Variants in CYP2C19 observed in about 807,000 individuals in gnomAD.
CYP2C19 encodes the protein cytochrome P450 family 2 subfamily C member 19.
Under a neutral mutation model 40.9 loss-of-function variants are expected in CYP2C19, and 59 were observed. The observed-to-expected ratio is 1.44, with a 90% CI of 1.17 to 1.79. The LOEUF is 1.79. CYP2C19 is among the 40% of genes most tolerant of loss of function. CYP2C19 has a pLI of 0.00. For missense variants in CYP2C19, 754 were observed against 596.9 expected, an observed-to-expected ratio of 1.26 and a Z score of -2.74; for synonymous variants, 253 against 208.7, an observed-to-expected ratio of 1.21 and a Z score of -1.83.
At chr10:94,789,958 G>T (rs1848585499) in intron 5 of CYP2C19, among the ~76,000 whole-genome samples, 1 of 152,074 alleles carries the variant, frequency 6.6e-6, no homozygotes, top group Non-Finnish European at 1.5e-5. Flanking sequence ...TCATGATATT[G>T]TTTCTTCCTA....
At chr10:94,775,033 C>T (rs1732188147) in intron 1 of CYP2C19, 25 bp from the exon 2 acceptor site, 3 of 1,611,950 alleles carry the variant, frequency 1.9e-6, no homozygotes, top group Non-Finnish European at 2.5e-6. Flanking sequence ...ACTTCATTTG[C>T]TGTTAACTGT....
At chr10:94,769,069 G>A (rs1291649202) in intron 1 of CYP2C19, among the ~76,000 whole-genome samples, 2 of 152,116 alleles carry the variant, frequency 1.3e-5, no homozygotes, top group Admixed American at 1.3e-4. Flanking sequence ...GCCAGTATAG[G>A]CTGTATTCAT....
intron 5 of CYP2C19, among the ~76,000 whole-genome samples, chr10:94,808,284 G>T (rs980759599): frequency 1.3e-5 from 2 of 151,838 alleles, no homozygotes; most frequent in Non-Finnish European, 2.9e-5. Context: ...AGTAATTTTT[G>T]TGTGTTTTTA....
intron 8 of CYP2C19, among the ~76,000 whole-genome samples, chr10:94,851,058 G>A (rs968683519): frequency 2.0e-5 from 3 of 152,150 alleles, no homozygotes; most frequent in African/African-American, 4.8e-5. Context: ...TTTAGCACAT[G>A]TATCAGTCCA....
chr10:94,820,896 C>T (rs17882345), intron 6 of CYP2C19, among the ~76,000 whole-genome samples: 2 of 152,094 alleles, frequency 1.3e-5, no homozygotes, highest in African/African-American at 4.8e-5. Flanking sequence ...CCAGCCTGGC[C>T]AATATGGCCA....
chr10:94,848,295 C>T lies in CYP2C19; in HGVS notation c.1150-1622C>T, dbSNP rs112621969. ...GGATCCAGTTTCAGATTTCTACATA[C>T]GGCTAGTCAGTTTTCCCAGCACCAT... On this transcript the variant is annotated intron_variant, in intron 7 of 8. Transcript: ENST00000371321. Among the ~76,000 whole-genome samples the T allele has an allele frequency of 3.7e-3, 559 of 152,152 alleles. 3 individuals are homozygous for T. Among genetic ancestry groups the T allele is most frequent in the African/African-American group, 0.012 (496 of 41,544 alleles).
intron 5 of CYP2C19, among the ~76,000 whole-genome samples, chr10:94,797,521 A>G (rs1297815935): frequency 6.6e-6 from 1 of 151,754 alleles, no homozygotes; most frequent in Non-Finnish European, 1.5e-5. Context: ...GTTAGGGAGG[A>G]TTCCATCTTT....
rs543376284 is a variant in CYP2C19, at chr10:94,845,109, G to A, written c.1149+2085G>A. ...CAATTCTACCCTCTTTACAAATCAG[G>A]CAAATGTGTTCTTCTGCTACAGGCT... On this transcript the variant is annotated intron_variant, in intron 7 of 8. Transcript: ENST00000371321. Among the ~76,000 whole-genome samples, 473 of 152,228 alleles carry A rather than the reference G, an allele frequency of 3.1e-3. 3 individuals are homozygous for A. Among genetic ancestry groups the A allele is most frequent in the African/African-American group, 0.011 (450 of 41,538 alleles).
intron 3 of CYP2C19, 61 bp downstream of exon 3, chr10:94,775,600 C>G: frequency 1.2e-6 from 2 of 1,612,822 alleles, no homozygotes; most frequent in East Asian, 4.5e-5. Flanking sequence ...TACTGACATT[C>G]TTGGAAACAT....
intron 6 of CYP2C19, among the ~76,000 whole-genome samples, chr10:94,830,396 C>T (rs866298624): frequency 3.3e-5 from 5 of 152,076 alleles, no homozygotes; most frequent in Non-Finnish European, 4.4e-5. Flanking sequence ...GCGCAGTATT[C>T]GGGTGGGAGT....
At chr10:94,823,333 C>T (rs1453654660) in intron 6 of CYP2C19, among the ~76,000 whole-genome samples, 1 of 152,146 alleles carries the variant, frequency 6.6e-6, no homozygotes, top group Admixed American at 6.6e-5. Context: ...TAAGAAGCCC[C>T]ATACTCAGGG....
chr10:94,825,355 G>A (rs1369555957), intron 6 of CYP2C19, among the ~76,000 whole-genome samples: 2 of 148,596 alleles, frequency 1.3e-5, no homozygotes, highest in Non-Finnish European at 3.0e-5. Context: ...CATTCTAACT[G>A]GTGTGAGATG....
intron 5 of CYP2C19, among the ~76,000 whole-genome samples, chr10:94,797,582 C>A (rs1273891115): frequency 6.6e-6 from 1 of 151,980 alleles, no homozygotes; most frequent in South Asian, 2.1e-4. Context: ...CCTCTTGGTA[C>A]CTCTGGTAGA....
intron 6 of CYP2C19, among the ~76,000 whole-genome samples, chr10:94,834,985 G>T (rs1040378658): frequency 6.6e-6 from 1 of 152,036 alleles, no homozygotes; most frequent in Non-Finnish European, 1.5e-5. Flanking sequence ...GTGTAGTAGG[G>T]GTGGTGCAGT....
chr10:94,775,111 G>A lies in CYP2C19; in HGVS notation c.222G>A (p.Met74Ile), dbSNP rs1802666036. The A allele has an allele frequency of 2.5e-6, 4 of 1,614,122 alleles. No individual in the cohort carries two copies. Among genetic ancestry groups the A allele is most frequent in the Non-Finnish European group, 3.4e-6 (4 of 1,180,036 alleles). ...VFTLYFGLER[M>I]VVLHGYEVVK... is the part of the protein sequence containing the mutation. Reference sequence around the variant, plus strand: ...CTCTGTATTTTGGCCTGGAACGCATGGTGGTGCTGCATGGATATGAAGTGG... The same window carrying A: ...CTCTGTATTTTGGCCTGGAACGCATAGTGGTGCTGCATGGATATGAAGTGG... Residue 74 changes from methionine to isoleucine, a missense_variant, in exon 2 of 9, where the codon ATG (methionine) becomes ATA (isoleucine). Coordinates refer to ENST00000371321, the MANE Select transcript of CYP2C19 (RefSeq NM_000769.4).
chr10:94,855,130 T>G lies in CYP2C19; in HGVS notation c.*2216T>G, dbSNP rs556321658. On this transcript the variant is annotated 3_prime_UTR_variant, in exon 9 of 9. Coordinates refer to ENST00000371321, the MANE Select transcript of CYP2C19 (RefSeq NM_000769.4). ...TTTTCTTTCACTCCAAACACTTGCTTCTTTTGTTACATCTCCTACTCCTAC... is the reference window on the plus strand; with the variant it reads ...TTTTCTTTCACTCCAAACACTTGCTGCTTTTGTTACATCTCCTACTCCTAC... Among the ~76,000 whole-genome samples the G allele has an allele frequency of 6.6e-6, 1 of 152,328 alleles. No homozygotes were observed. The highest frequency in any genetic ancestry group is 2.4e-5 in the African/African-American group (1 of 41,588).
intron 2 of CYP2C19, 64 bp from the exon 3 acceptor site, chr10:94,775,326 C>G: frequency 6.2e-7 from 1 of 1,612,364 alleles, no homozygotes; most frequent in South Asian, 1.1e-5. Flanking sequence ...ACATGGCTGC[C>G]CAGTGTCAGC....
At position 94,854,657 on chromosome 10, in the gene CYP2C19, T is replaced by C. The variant is rs1849705410; in HGVS notation, c.*1743T>C. 1.3e-5 allele frequency among the ~76,000 whole-genome samples: 2 copies of C among 152,130 alleles called. No individual in the cohort carries two copies. Among genetic ancestry groups the C allele is most frequent in the South Asian group, 4.1e-4 (2 of 4,834 alleles). On this transcript the variant is annotated 3_prime_UTR_variant, in exon 9 of 9. Coordinates refer to ENST00000371321, the MANE Select transcript of CYP2C19 (RefSeq NM_000769.4). ...TACATCTATGCATGTGTGTGTACAT[T>C]ATGTGCATTCACACATAATATATAT... is the stretch of plus-strand genomic sequence containing the variant.
intron 1 of CYP2C19, chr10:94,774,665 CT>C (rs1848382234): frequency 4.8e-6 from 1 of 207,250 alleles, no homozygotes; most frequent in Non-Finnish European, 9.8e-6. Flanking sequence ...CACAAGAGTG[CT>C]GATAAATTTC....
Sources: gnomAD v4.1 joint callset for allele counts (sites outside exome capture counted in the v4.1 genomes callset) on GRCh38, gnomAD v4.1.1 for gene constraint, MANE v1.5 for transcripts, NCBI Gene and HGNC (gene_info 2026-07-23, HGNC 2026-07-21) for gene names.